Variants in WNT7A observed in about 807,000 individuals in gnomAD.
The protein encoded by WNT7A is protein Wnt-7a.
Under a neutral mutation model 28.2 loss-of-function variants are expected in WNT7A, and 16 were observed. The ratio of observed to expected loss-of-function variants is 0.57; its 90% confidence interval spans 0.38 to 0.86. WNT7A has a LOEUF of 0.86. WNT7A is among the 40% of genes least tolerant of loss of function. The probability of loss-of-function intolerance (pLI) is 0.00; values close to 1 mark genes in which losing one functional copy is unlikely to be tolerated. For synonymous variants in WNT7A, 190 were observed against 195.9 expected, an observed-to-expected ratio of 0.97 and a Z score of 0.25; for missense variants, 411 against 489.7, an observed-to-expected ratio of 0.84 and a Z score of 1.52.
intron 2 of WNT7A, chr3:13,863,613 G>A (rs1292733057): frequency 4.6e-5 from 7 of 152,074 alleles, no homozygotes; most frequent in Admixed American, 3.9e-4. Flanking sequence ...ATGCAAACGA[G>A]ACAAAAAGTC....
At chr3:13,878,056 C>T (rs1054555715) in intron 1 of WNT7A, among the ~76,000 whole-genome samples, 1 of 152,188 alleles carries the variant, frequency 6.6e-6, no homozygotes, top group Non-Finnish European at 1.5e-5. Context: ...CCCACCTCTC[C>T]GACCTGGACC....
intron 3 of WNT7A, among the ~76,000 whole-genome samples, chr3:13,842,550 G>A (rs1350860605): frequency 6.6e-6 from 1 of 152,182 alleles, no homozygotes; most frequent in African/African-American, 2.4e-5. Context: ...ATGAGCTCGG[G>A]GGTATAAGTT....
In WNT7A at chr3:13,819,176, T is replaced by C. The variant is rs981131554; in HGVS notation, c.818A>G (p.Lys273Arg). 2 of 1,614,230 alleles carry C rather than the reference T, an allele frequency of 1.2e-6. No homozygotes were observed. Among genetic ancestry groups the C allele is most frequent in the Non-Finnish European group, 1.7e-6 (2 of 1,180,034 alleles). The change falls in exon 4 of 4, where the codon AAG becomes AGG. Residue 273 changes from lysine (K) to arginine (R), a missense_variant. Transcript: ENST00000285018. ...GTCCTCCTCGCAGTAGTTGGGCGAC[T>C]TCTCGATGTACACCAGGTCCGTGTC... ...PMDTDLVYIE[K>R]SPNYCEEDPV... is the part of the protein sequence containing the mutation.
intron 3 of WNT7A, among the ~76,000 whole-genome samples, chr3:13,852,850 C>T (rs954513704): frequency 2.0e-5 from 3 of 152,152 alleles, no homozygotes; most frequent in South Asian, 2.1e-4. Context: ...CACAGTCCCA[C>T]CTCTTGGCTC....
intron 2 of WNT7A, among the ~76,000 whole-genome samples, chr3:13,861,290 C>G (rs945897011): frequency 2.0e-5 from 3 of 152,248 alleles, no homozygotes; most frequent in Non-Finnish European, 4.4e-5. Flanking sequence ...ACCTGCCCCT[C>G]CCTCCTGCCC....
chr3:13,879,613 A>C, intron 1 of WNT7A, 133 bp downstream of exon 1: 1 of 1,022,380 alleles, frequency 9.8e-7, no homozygotes, highest in Non-Finnish European at 1.4e-6. Context: ...CACCGCTCCC[A>C]CACCGCACCC....
At position 13,874,976 on chromosome 3, in the gene WNT7A, C is replaced by T. The variant is rs372068266; in HGVS notation, c.269G>A (p.Arg90His). ...TTTGAGCTCCTTCCCGAAGACGGTGCGCTCTCCCAGTGCAGAGCAGTTCCA... is the reference window on the plus strand; with the variant it reads ...TTTGAGCTCCTTCCCGAAGACGGTGTGCTCTCCCAGTGCAGAGCAGTTCCA... ...GRWNCSALGE[R>H]TVFGKELKVG... The change falls in exon 2 of 4, where the codon CGC (arginine) becomes CAC (histidine). Residue 90 changes from arginine to histidine, a missense_variant. Coordinates refer to ENST00000285018, the MANE Select transcript of WNT7A (RefSeq NM_004625.4). 12 of 1,614,054 alleles carry T rather than the reference C, an allele frequency of 7.4e-6. No homozygotes were observed. The highest frequency in any genetic ancestry group is 1.6e-4 in the Middle Eastern group (1 of 6,084).
At chr3:13,830,468 G>A (rs769941610) in intron 3 of WNT7A, among the ~76,000 whole-genome samples, 4 of 152,098 alleles carry the variant, frequency 2.6e-5, no homozygotes, top group East Asian at 1.9e-4. Flanking sequence ...AGTGAAACAC[G>A]GGTCCATCAT....
intron 2 of WNT7A, among the ~76,000 whole-genome samples, chr3:13,864,163 C>T (rs959959727): frequency 4.6e-5 from 7 of 152,060 alleles, no homozygotes; most frequent in African/African-American, 1.5e-4. Context: ...ATTTCTTTGC[C>T]GATGATAATG....
At chr3:13,825,619 C>T (rs890964964) in intron 3 of WNT7A, among the ~76,000 whole-genome samples, 3 of 152,190 alleles carry the variant, frequency 2.0e-5, no homozygotes, top group African/African-American at 7.2e-5. Context: ...GAGTGGGTTC[C>T]AACACACCAC....
intron 1 of WNT7A, among the ~76,000 whole-genome samples, chr3:13,876,709 T>C (rs569609388): frequency 6.0e-5 from 9 of 150,746 alleles, no homozygotes; most frequent in African/African-American, 2.2e-4. Context: ...GCCAGCCTTC[T>C]CCCTGCAGTA....
chr3:13,829,390 TC>T (rs1288690719), intron 3 of WNT7A, among the ~76,000 whole-genome samples: 1 of 152,226 alleles, frequency 6.6e-6, no homozygotes, highest in African/African-American at 2.4e-5. Flanking sequence ...ACAAGTCCTC[TC>T]AAAGGGAACA....
At chr3:13,874,680 A>G (rs1259434625) in intron 2 of WNT7A, among the ~76,000 whole-genome samples, 15 of 152,328 alleles carry the variant, frequency 9.8e-5, no homozygotes, top group Non-Finnish European at 1.3e-4. Context: ...AATTCAAAAC[A>G]CAACACCAGC....
rs533587855 is a variant in WNT7A, at chr3:13,850,227, G to A, written c.570+4305C>T. Among the ~76,000 whole-genome samples, 14 of 152,302 alleles carry A rather than the reference G, an allele frequency of 9.2e-5. No homozygotes were observed. In the South Asian group the frequency reaches 2.9e-3, roughly 32 times the overall value. On this transcript the variant is annotated intron_variant, in intron 3 of 3. Coordinates refer to ENST00000285018, the MANE Select transcript of WNT7A (RefSeq NM_004625.4). ...GCCAGTCAGCTTCGGGCTGGGCGGG[G>A]CCTGGCTCCTCAGGCCCTCGACATG...
chr3:13,819,905 T>C (rs1694082768), intron 3 of WNT7A, among the ~76,000 whole-genome samples: 1 of 152,248 alleles, frequency 6.6e-6, no homozygotes, highest in African/African-American at 2.4e-5. Context: ...CCATGAGCCA[T>C]ATTTTGCTTA....
At chr3:13,873,092 G>T (rs1197184942) in intron 2 of WNT7A, among the ~76,000 whole-genome samples, 1 of 152,084 alleles carries the variant, frequency 6.6e-6, no homozygotes, top group East Asian at 1.9e-4. Context: ...AGGCTCACAA[G>T]ACAGATTAAG....
chr3:13,850,222 G>A (rs1424874982), intron 3 of WNT7A, among the ~76,000 whole-genome samples: 2 of 152,210 alleles, frequency 1.3e-5, no homozygotes, highest in Non-Finnish European at 2.9e-5. Flanking sequence ...TTCGGGCTGG[G>A]CGGGGCCTGG....
intron 2 of WNT7A, among the ~76,000 whole-genome samples, chr3:13,868,665 AG>A (rs1559307079): frequency 0.023 from 89 of 3,828 alleles, 1 homozygote; most frequent in African/African-American, 0.08. Context: ...GGAGGGAGGG[AG>A]TGGGAGAGAG....
intron 1 of WNT7A, among the ~76,000 whole-genome samples, chr3:13,876,168 G>A (rs1173180949): frequency 2.6e-5 from 4 of 152,206 alleles, no homozygotes; most frequent in African/African-American, 4.8e-5. Context: ...TTGCCAGGAG[G>A]CATCTGTGGG....
Sources: gnomAD v4.1 joint callset for allele counts (sites outside exome capture counted in the v4.1 genomes callset) on GRCh38, gnomAD v4.1.1 for gene constraint, MANE v1.5 for transcripts, NCBI Gene and HGNC (gene_info 2026-07-23, HGNC 2026-07-21) for gene names.